Variants in SLAIN1 observed in about 807,000 individuals in gnomAD.
SLAIN1 encodes the protein SLAIN motif-containing protein 1.
A neutral mutation model predicts 55.4 loss-of-function variants in SLAIN1; 17 were observed. The observed-to-expected ratio is 0.31, with a 90% CI of 0.21 to 0.46. SLAIN1 has a LOEUF of 0.46. SLAIN1 is among the 20% of genes least tolerant of loss of function. SLAIN1 has a pLI of 1.00. For synonymous variants in SLAIN1, 348 were observed against 337.4 expected (o/e 1.03, Z -0.35); for missense variants, 682 against 785.1 (o/e 0.87, Z 1.57).
At chr13:77,702,204 C>A (rs929633511) in intron 1 of SLAIN1, among the ~76,000 whole-genome samples, 1 of 151,856 alleles carries the variant, frequency 6.6e-6, no homozygotes, top group South Asian at 2.1e-4. Context: ...TCTTTGCTAT[C>A]GTGAACCTGA....
chr13:77,762,124 A>G lies in SLAIN1; in HGVS notation c.1697+1014A>G, dbSNP rs374281774. On this transcript the variant is annotated intron_variant, in intron 6 of 6. Coordinates refer to ENST00000418532, the MANE Select transcript of SLAIN1 (RefSeq NM_001242868.2). ...AATAGAAAAGTAAAGACTGACCCAT[A>G]ATCCTACTGCCAGATAGAAATAATT... Among the ~76,000 whole-genome samples, 133 of 152,372 alleles carry G rather than the reference A, an allele frequency of 8.7e-4. 2 individuals are homozygous for G. In the South Asian group the frequency reaches 0.027, roughly 31 times the overall value.
At chr13:77,704,053 A>ATG (rs1370486081) in intron 1 of SLAIN1, among the ~76,000 whole-genome samples, 4 of 72,250 alleles carry the variant, frequency 5.5e-5, no homozygotes, top group Admixed American at 1.6e-4. Flanking sequence ...CATGTTTTAT[A>ATG]TGTATATATA....
intron 1 of SLAIN1, among the ~76,000 whole-genome samples, chr13:77,705,040 A>T (rs529008014): frequency 6.7e-6 from 1 of 149,598 alleles, no homozygotes; most frequent in East Asian, 2.0e-4. Context: ...TAGAAACTGT[A>T]TATACAGAGG....
Position 77,697,837 on chromosome 13 carries a change from C to T in SLAIN1, c.-77C>T. On this transcript the variant is annotated 5_prime_UTR_variant, in exon 1 of 7. Coordinates refer to ENST00000418532, the MANE Select transcript of SLAIN1 (RefSeq NM_001242868.2). ...CAGGCCGGGGCGACAGGGAAGGAGC[C>T]GTAGCCTCCCCGTGGCCCGAGGAGC... The T allele has an allele frequency of 8.1e-7, 1 of 1,229,732 alleles. No individual in the cohort carries two copies. Among genetic ancestry groups the T allele is most frequent in the Non-Finnish European group, 1.0e-6 (1 of 986,230 alleles). 76.2% of individuals were successfully genotyped at this position (1,229,732 alleles called of 1,614,324 possible). A position where few individuals can be genotyped will look rare whatever the true frequency, so the allele number is the denominator to read the frequency against.
chr13:77,715,952 C>A (rs1269212295), intron 1 of SLAIN1, among the ~76,000 whole-genome samples: 1 of 152,050 alleles, frequency 6.6e-6, no homozygotes, highest in Non-Finnish European at 1.5e-5. Context: ...TTTTATGGAT[C>A]ATATTTTCAG....
chr13:77,734,892 T>A (rs1198653690), intron 2 of SLAIN1, among the ~76,000 whole-genome samples: 1 of 151,954 alleles, frequency 6.6e-6, no homozygotes, highest in Non-Finnish European at 1.5e-5. Context: ...TAGTGGCACA[T>A]GTCTGTAGTC....
At position 77,760,825 on chromosome 13, in the gene SLAIN1, T is replaced by C; in HGVS notation, c.1415-3T>C. 1.2e-6 allele frequency: 2 copies of C among 1,612,444 alleles called. No individual in the cohort carries two copies. Among genetic ancestry groups the C allele is most frequent in the South Asian group, 2.2e-5 (2 of 91,018 alleles). On this transcript the variant is annotated splice_region_variant and splice_polypyrimidine_tract_variant and intron_variant, in intron 5 of 6. Coordinates refer to ENST00000418532, the MANE Select transcript of SLAIN1 (RefSeq NM_001242868.2). ...CTCACATGAATATCATTTTCTCTTC[T>C]AGTTCCATCACCGGGACAGCTTCAA...
intron 2 of SLAIN1, among the ~76,000 whole-genome samples, chr13:77,743,613 T>C (rs1188369489): frequency 6.6e-6 from 1 of 152,032 alleles, no homozygotes; most frequent in East Asian, 1.9e-4. Flanking sequence ...TTCTCAGCAT[T>C]GGTATGATTC....
intron 1 of SLAIN1, among the ~76,000 whole-genome samples, chr13:77,719,228 A>G (rs1006659841): frequency 6.6e-6 from 1 of 151,000 alleles, no homozygotes; most frequent in Non-Finnish European, 1.5e-5. Context: ...TAGTAAGATC[A>G]TGATAGTGCC....
At chr13:77,718,206 G>A (rs1169888101) in intron 1 of SLAIN1, among the ~76,000 whole-genome samples, 1 of 152,050 alleles carries the variant, frequency 6.6e-6, no homozygotes, top group Non-Finnish European at 1.5e-5. Flanking sequence ...AATCAGAGCC[G>A]TTGCATGTTT....
intron 4 of SLAIN1, among the ~76,000 whole-genome samples, chr13:77,751,774 T>C (rs1251084480): frequency 6.6e-6 from 1 of 152,174 alleles, no homozygotes; most frequent in African/African-American, 2.4e-5. Context: ...GTTGGAGGGA[T>C]TTCAGCAAGT....
At chr13:77,716,852 A>G (rs760687103) in intron 1 of SLAIN1, among the ~76,000 whole-genome samples, 19 of 152,062 alleles carry the variant, frequency 1.2e-4, no homozygotes, top group Non-Finnish European at 2.1e-4. Context: ...TTCCAATGTA[A>G]ATGTTTTTAA....
chr13:77,734,848 C>T (rs1230007343), intron 2 of SLAIN1, among the ~76,000 whole-genome samples: 1 of 151,792 alleles, frequency 6.6e-6, no homozygotes, highest in Non-Finnish European at 1.5e-5. Flanking sequence ...GGTGAAACCC[C>T]CTCTCTACTA....
intron 2 of SLAIN1, chr13:77,741,323 C>G (rs1300980199): frequency 1.0e-6 from 1 of 987,248 alleles, no homozygotes; most frequent in East Asian, 1.1e-4. Flanking sequence ...GTGTGTGTTG[C>G]ATTATTAACC....
chr13:77,759,077 G>A (rs768010743), intron 5 of SLAIN1, among the ~76,000 whole-genome samples: 1 of 151,858 alleles, frequency 6.6e-6, no homozygotes, highest in Non-Finnish European at 1.5e-5. Context: ...CATGGGATGT[G>A]TTTTGTTTGT....
Position 77,698,892 on chromosome 13 carries a change from T to C in SLAIN1, c.626+353T>C, listed in dbSNP as rs1376109512. ...TTGTCTTTTTGCTCAGTGCTGCTCT[T>C]TTCCCCAGTGTTTTCGGAGGGATGA... On this transcript the variant is annotated intron_variant, in intron 1 of 6. Coordinates refer to ENST00000418532, the MANE Select transcript of SLAIN1 (RefSeq NM_001242868.2). The surrounding 1 kb of genome is among the most constrained non-coding windows in gnomAD (Gnocchi z 4.1). 1.3e-6 allele frequency: 2 copies of C among 1,532,086 alleles called. No homozygotes were observed. Among genetic ancestry groups the C allele is most frequent in the Admixed American group, 3.9e-5 (2 of 50,942 alleles). The allele number at this position is 1,532,086 out of a possible 1,614,324, so 94.9% of individuals were successfully genotyped here.
chr13:77,725,404 C>T (rs1482708047), intron 2 of SLAIN1, among the ~76,000 whole-genome samples: 1 of 152,132 alleles, frequency 6.6e-6, no homozygotes, highest in Non-Finnish European at 1.5e-5. Flanking sequence ...GAGAGGTAAA[C>T]AAAGGGTAAA....
Position 77,698,901 on chromosome 13 carries a change from T to C in SLAIN1, c.626+362T>C, listed in dbSNP as rs1419541960. 1 of 1,532,632 alleles carries C rather than the reference T, an allele frequency of 6.5e-7. No homozygotes were observed. The highest frequency in any genetic ancestry group is 1.4e-5 in the African/African-American group (1 of 73,068). 94.9% of individuals were successfully genotyped at this position (1,532,632 alleles called of 1,614,324 possible). A position where few individuals can be genotyped will look rare whatever the true frequency, so the allele number is the denominator to read the frequency against. ...TGCTCAGTGCTGCTCTTTTCCCCAG[T>C]GTTTTCGGAGGGATGACGGGGGATG... On this transcript the variant is annotated intron_variant, in intron 1 of 6. Transcript: ENST00000418532. This position sits in a 1 kb window ranked among gnomAD's most constrained non-coding sequence, Gnocchi z 4.1.
chr13:77,724,193 T>A (rs149007966), intron 2 of SLAIN1, among the ~76,000 whole-genome samples: 179 of 152,236 alleles, frequency 1.2e-3, no homozygotes, highest in African/African-American at 4.1e-3. Flanking sequence ...TTGATCAAAG[T>A]AGGAGAGGAG....
Sources: allele counts gnomAD v4.1 joint callset (sites outside exome capture counted in the v4.1 genomes callset), GRCh38; gene constraint gnomAD v4.1.1; non-coding constraint Gnocchi (gnomAD v3.1); transcripts MANE v1.5; gene names NCBI Gene and HGNC (gene_info 2026-07-23, HGNC 2026-07-21).